Variants in ADPRHL1 observed in about 807,000 individuals in gnomAD.
ADPRHL1 encodes the protein ADP-ribosylhydrolase like 1.
ADPRHL1 carries 43 observed loss-of-function variants against 44.1 expected under a neutral mutation model. The ratio of observed to expected loss-of-function variants is 0.98; its 90% CI spans 0.76 to 1.26. The LOEUF (loss-of-function observed/expected upper bound fraction) is 1.26, where lower values mean the gene tolerates loss of function less well. Ranked by LOEUF, ADPRHL1 falls within the 50% of genes most tolerant of loss-of-function variation. The pLI is 0.00. For synonymous variants in ADPRHL1, 878 were observed against 1,017.4 expected (o/e 0.86, Z 2.61); for missense variants, 2,022 against 2,496.9 (o/e 0.81, Z 4.05).
Position 113,409,026 on chromosome 13 carries a change from C to T in ADPRHL1, c.1062-806G>A, listed in dbSNP as rs12430424. ...TCACTTGGCTGGGTCTCCGGAACCC[C>T]TTTCAAAATGGCTTAGAGGAGCCAC... On this transcript the variant is annotated intron_variant, in intron 7 of 7. Coordinates refer to ENST00000612156, the MANE Select transcript of ADPRHL1 (RefSeq NM_001394807.1). The surrounding 1 kb of genome is among the most constrained non-coding windows in gnomAD (Gnocchi z 4.2). 6.6e-6 allele frequency among the ~76,000 whole-genome samples: 1 copy of T among 152,302 alleles called. No individual in the cohort carries two copies. The highest frequency in any genetic ancestry group is 2.1e-4 in the South Asian group (1 of 4,824).
chr13:113,433,091 C>T (rs970823521), intron 3 of ADPRHL1, among the ~76,000 whole-genome samples: 3 of 149,460 alleles, frequency 2.0e-5, no homozygotes, highest in South Asian at 2.1e-4. Context: ...GTTAAGGGGG[C>T]GACATGATCC....
chr13:113,431,152 G>A (rs975702204), intron 3 of ADPRHL1, among the ~76,000 whole-genome samples: 16 of 152,226 alleles, frequency 1.1e-4, no homozygotes, highest in East Asian at 5.8e-4. Context: ...CAGGCTCTGC[G>A]GTGGGTGCCG....
intron 2 of ADPRHL1, among the ~76,000 whole-genome samples, chr13:113,437,018 T>TA: frequency 6.9e-6 from 1 of 144,604 alleles, no homozygotes; most frequent in Non-Finnish European, 1.5e-5. Flanking sequence ...AGCATAGGTG[T>TA]ACCCTGGGAC....
rs2043814673 is a variant in ADPRHL1 at position 113,407,101 on chromosome 13, C to T, written c.2181G>A (p.Leu727=). The change falls in exon 8 of 8, where the codon CTG becomes CTA. Residue 727 remains leucine, a synonymous_variant. Transcript: ENST00000612156. ...CGGTGCCCCAAGGGCTGGCCGGTCC[C>T]AGTGGGGATGATGCAGGCACAAGGC... The part of the protein sequence containing the change: ...LPGLVPASSP[L]GPASPWGTGS... 5.7e-6 allele frequency: 7 copies of T among 1,232,150 alleles called. No homozygotes were observed. In the East Asian group the frequency reaches 9.5e-5, roughly 17 times the overall value. 76.3% of individuals were successfully genotyped at this position (1,232,150 alleles called of 1,614,324 possible).
rs140559183 is a variant in ADPRHL1 at position 113,441,815 on chromosome 13, C to G, written c.379+2610G>C. Among the ~76,000 whole-genome samples, 1 of 151,538 alleles carries G rather than the reference C, an allele frequency of 6.6e-6. No individual in the cohort carries two copies. The highest frequency in any genetic ancestry group is 1.9e-4 in the East Asian group (1 of 5,160). Reference sequence around the variant, plus strand: ...CTCTATCACGCTTTACTCCACCACACGGGTCCGTGTCTCTGTCACGTTGTG... The same window carrying G: ...CTCTATCACGCTTTACTCCACCACAGGGGTCCGTGTCTCTGTCACGTTGTG... On this transcript the variant is annotated intron_variant, in intron 2 of 7. Transcript: ENST00000612156. The surrounding 1 kb of genome is among the most constrained non-coding windows in gnomAD (Gnocchi z 6.0).
At chr13:113,412,505 G>C (rs1189752825) in intron 7 of ADPRHL1, among the ~76,000 whole-genome samples, 1 of 152,228 alleles carries the variant, frequency 6.6e-6, no homozygotes, top group Non-Finnish European at 1.5e-5. Flanking sequence ...TAAGATCCGA[G>C]TGCACTTTTC....
At chr13:113,436,100 G>A (rs868209757) in intron 2 of ADPRHL1, among the ~76,000 whole-genome samples, 6 of 133,004 alleles carry the variant, frequency 4.5e-5, no homozygotes, top group South Asian at 2.4e-4. Context: ...GGTGTACCCC[G>A]GGACCCAGCA....
At chr13:113,449,007 C>A in intron 1 of ADPRHL1, 3 of 986,440 alleles carry the variant, frequency 3.0e-6, no homozygotes, top group Non-Finnish European at 3.6e-6. Flanking sequence ...ACCTGCTAAA[C>A]GCTTGCCAAG....
intron 7 of ADPRHL1, among the ~76,000 whole-genome samples, chr13:113,412,849 G>A (rs1411856608): frequency 1.0e-3 from 59 of 58,674 alleles, no homozygotes; most frequent in African/African-American, 4.9e-3. Context: ...ACAGCGCCCC[G>A]CAGAGCTCGG....
chr13:113,432,949 A>T (rs1434170380), intron 3 of ADPRHL1, among the ~76,000 whole-genome samples: 1 of 152,160 alleles, frequency 6.6e-6, no homozygotes, highest in African/African-American at 2.4e-5. Flanking sequence ...TCAGGCCTAG[A>T]GTCAGGCGCT....
In ADPRHL1 at chr13:113,403,859, GCCTGTTCCCGAC is replaced by G; in HGVS notation, c.5411_5422del (p.Gly1804_Gln1807del). 3.2e-6 allele frequency: 4 copies of G among 1,247,974 alleles called. No homozygotes were observed. Among genetic ancestry groups the G allele is most frequent in the South Asian group, 7.5e-5 (2 of 26,814 alleles). 77.3% of individuals were successfully genotyped at this position (1,247,974 alleles called of 1,614,324 possible). On this transcript the variant is annotated inframe_deletion, in exon 8 of 8. Transcript: ENST00000612156. ...CCGAGGCGCCATCCCACTTGTCAAG[GCCTGTTCCCGAC>G]CCTGTTCCCAAGCCCGTTCCTGAGC...
chr13:113,419,065 T>TCCCTCCCTCC (rs1566470062), intron 7 of ADPRHL1, among the ~76,000 whole-genome samples: 3 of 111,182 alleles, frequency 2.7e-5, no homozygotes, highest in African/African-American at 6.3e-5. Flanking sequence ...TCTCCTTCCT[T>TCCCTCCCTCC]CACTCCCTCC....
intron 1 of ADPRHL1, among the ~76,000 whole-genome samples, chr13:113,449,870 G>C (rs1007466603): frequency 6.6e-6 from 1 of 152,220 alleles, no homozygotes; most frequent in Non-Finnish European, 1.5e-5. Flanking sequence ...TACGAGCACA[G>C]GGGCCAGATT....
intron 1 of ADPRHL1, among the ~76,000 whole-genome samples, chr13:113,450,586 C>G (rs980840291): frequency 4.6e-5 from 7 of 152,154 alleles, no homozygotes; most frequent in African/African-American, 1.7e-4. Flanking sequence ...TGCGAGTCAC[C>G]TCCAATGGTA....
Position 113,407,896 on chromosome 13 carries a change from C to T in ADPRHL1, c.1386G>A (p.Pro462=), listed in dbSNP as rs956248839. 2.8e-5 allele frequency: 35 copies of T among 1,231,960 alleles called. No individual in the cohort carries two copies. Among genetic ancestry groups the T allele is most frequent in the East Asian group, 1.3e-4 (4 of 31,692 alleles). The allele number at this position is 1,231,960 out of a possible 1,614,324, so 76.3% of individuals were successfully genotyped here. Residue 462 remains proline (P), a synonymous_variant, in exon 8 of 8, where the codon CCG becomes CCA. Transcript: ENST00000612156. ...GRLISKDKQG[P]GGGLVGATIN... ...TGGTGGCACCCACGAGGCCCCCACC[C>T]GGCCCCTGCTTGTCCTTGGAGATCA...
intron 4 of ADPRHL1, among the ~76,000 whole-genome samples, chr13:113,428,358 C>T (rs1302706849): frequency 1.3e-5 from 2 of 152,168 alleles, no homozygotes; most frequent in South Asian, 4.1e-4. Context: ...ACACTGGATA[C>T]GTTATTTCCA....
Position 113,405,763 on chromosome 13 carries a change from G to A in ADPRHL1, c.3519C>T (p.Gly1173=), listed in dbSNP as rs2043803697. 1.6e-6 allele frequency: 2 copies of A among 1,231,706 alleles called. No homozygotes were observed. Among genetic ancestry groups the A allele is most frequent in the African/African-American group, 3.1e-5 (2 of 64,432 alleles). 76.3% of individuals were successfully genotyped at this position (1,231,706 alleles called of 1,614,324 possible). The stretch of plus-strand genomic sequence containing the variant: ...CCAAGGATCCCCCAGGGGCCAGGAG[G>A]CCGTGGCTGTGAGGGTCTCGAGGGA... ...EALPRDPHSH[G]LLAPGGSLEP... Residue 1173 remains glycine (G), a synonymous_variant, in exon 8 of 8, where the codon GGC becomes GGT. Coordinates refer to ENST00000612156, the MANE Select transcript of ADPRHL1 (RefSeq NM_001394807.1).
chr13:113,405,430 A>T lies in ADPRHL1; in HGVS notation c.3852T>A (p.Pro1284=). 2 of 1,231,972 alleles carry T rather than the reference A, an allele frequency of 1.6e-6. No individual in the cohort carries two copies. Among genetic ancestry groups the T allele is most frequent in the Non-Finnish European group, 2.0e-6 (2 of 988,162 alleles). 76.3% of individuals were successfully genotyped at this position (1,231,972 alleles called of 1,614,324 possible). ...TCTCAGGAGGCGACGGCGGGAGGCC[A>T]GGGCCATAGCTGGGGGACTCTGCCA... is the stretch of plus-strand genomic sequence containing the variant. ...RSVAESPSYG[P]GLPPSPPENP... Residue 1284 remains proline (P), a synonymous_variant, in exon 8 of 8, where the codon CCT becomes CCA. Transcript: ENST00000612156.
chr13:113,415,645 G>A (rs2043883474), intron 7 of ADPRHL1, among the ~76,000 whole-genome samples: 1 of 151,430 alleles, frequency 6.6e-6, no homozygotes, highest in South Asian at 2.1e-4. Flanking sequence ...CAGCTACTCA[G>A]GAGGCTAAGG....
Sources: allele counts gnomAD v4.1 joint callset (sites outside exome capture counted in the v4.1 genomes callset), GRCh38; gene constraint gnomAD v4.1.1; non-coding constraint Gnocchi (gnomAD v3.1); transcripts MANE v1.5; gene names NCBI Gene and HGNC (gene_info 2026-07-23, HGNC 2026-07-21).